The following AFF2 variants were observed in gnomAD, a reference collection of about 807,000 sequenced individuals.
AFF2 encodes ALF transcription elongation factor 2.
A neutral mutation model predicts 76.9 loss-of-function variants in AFF2; 14 were observed. The observed-to-expected ratio is 0.18, with a 90% confidence interval of 0.12 to 0.28. The LOEUF (loss-of-function observed/expected upper bound fraction) is 0.28. Among genes scored for constraint, AFF2 ranks in the 10% least tolerant of loss-of-function variants. The pLI is 1.00. For missense variants in AFF2, 868 were observed against 1,001.1 expected (o/e 0.87, Z 1.79); for synonymous variants, 398 against 366.7 (o/e 1.09, Z -0.98).
intron 7 of AFF2, among the ~76,000 whole-genome samples, chrX:148,871,296 GCCTGGATACCTAACCCCT>G (rs1460818940): frequency 1.8e-5 from 2 of 110,954 alleles, no homozygotes; most frequent in Non-Finnish European, 3.8e-5. Flanking sequence ...CCTGATAGGA[GCCTGGATACCTAACCCCT>G]CGTGTCATGG....
intron 1 of AFF2, among the ~76,000 whole-genome samples, chrX:148,603,095 A>T (rs1391974079): frequency 8.9e-6 from 1 of 111,945 alleles, no homozygotes; most frequent in Non-Finnish European, 1.9e-5. Context: ...GGCTGTCTTG[A>T]AAGATTTACC....
In AFF2 at chrX:148,762,197, C is replaced by A. The variant is rs782628483; in HGVS notation, c.1042-47679C>A. Among the ~76,000 whole-genome samples the A allele has an allele frequency of 1.0e-4, 11 of 109,547 alleles. No homozygotes were observed. In the East Asian group the frequency reaches 2.9e-3, roughly 28 times the overall value. On this transcript the variant is annotated intron_variant, in intron 3 of 20. Transcript: ENST00000370460. ...TGTGTAGTCTTTTATCCCTCACCCT[C>A]TCCTACCCTTTCCCCTGAGTCCCCA...
At chrX:148,776,882 G>A (rs2069674459) in intron 3 of AFF2, among the ~76,000 whole-genome samples, 1 of 111,774 alleles carries the variant, frequency 8.9e-6, no homozygotes, top group Non-Finnish European at 1.9e-5. Flanking sequence ...TGTCAATTTT[G>A]GCTTCTGTTG....
chrX:148,810,307 G>C (rs2070187457), intron 4 of AFF2, among the ~76,000 whole-genome samples: 1 of 111,749 alleles, frequency 8.9e-6, no homozygotes, highest in South Asian at 3.8e-4. Flanking sequence ...GATTGATTGT[G>C]GCCTATAATA....
At chrX:148,542,022 T>C (rs1239457532) in intron 1 of AFF2, among the ~76,000 whole-genome samples, 2 of 108,966 alleles carry the variant, frequency 1.8e-5, no homozygotes, top group Non-Finnish European at 3.8e-5. Flanking sequence ...ATGTATAGTC[T>C]CTGCTGGAAA....
At chrX:148,843,471 A>G in intron 7 of AFF2, 38 bp downstream of exon 7, 2 of 1,134,169 alleles carry the variant, frequency 1.8e-6, no homozygotes, top group South Asian at 3.7e-5. Context: ...CTTTTTGGGG[A>G]TATTTGGCAA....
At chrX:148,947,599 C>T (rs1275393805) in intron 9 of AFF2, among the ~76,000 whole-genome samples, 1 of 111,839 alleles carries the variant, frequency 8.9e-6, no homozygotes, top group Non-Finnish European at 1.9e-5. Context: ...ACTGCTGACA[C>T]AGACAAAATG....
At chrX:148,524,141 G>C (rs1024672403) in intron 1 of AFF2, among the ~76,000 whole-genome samples, 34 of 107,983 alleles carry the variant, frequency 3.1e-4, no homozygotes, top group Middle Eastern at 9.3e-3. Context: ...GTGTGTGTGT[G>C]TGTGTGTGTG....
intron 3 of AFF2, among the ~76,000 whole-genome samples, chrX:148,668,101 G>A (rs1157910549): frequency 8.9e-6 from 1 of 112,869 alleles, no homozygotes; most frequent in East Asian, 2.8e-4. Context: ...GGGGCTACAG[G>A]CCCCATGCAA....
chrX:148,604,655 G>A (rs1365290280), intron 1 of AFF2, among the ~76,000 whole-genome samples: 1 of 112,409 alleles, frequency 8.9e-6, no homozygotes, highest in Non-Finnish European at 1.9e-5. Flanking sequence ...TTAAAGCAAA[G>A]ATTAGAGAGA....
At chrX:148,883,581 C>T (rs188885883) in intron 7 of AFF2, among the ~76,000 whole-genome samples, 2 of 111,600 alleles carry the variant, frequency 1.8e-5, no homozygotes, top group African/African-American at 3.3e-5. Context: ...AGTATCTTGA[C>T]TCCATGCTAA....
intron 8 of AFF2, among the ~76,000 whole-genome samples, chrX:148,903,772 G>C (rs2071379542): frequency 9.0e-6 from 1 of 111,652 alleles, no homozygotes; most frequent in Non-Finnish European, 1.9e-5. Context: ...GTCAGTAGTA[G>C]TGCTAGGGTG....
intron 1 of AFF2, among the ~76,000 whole-genome samples, chrX:148,581,180 TAC>T (rs1386552495): frequency 4.0e-5 from 4 of 100,529 alleles, no homozygotes; most frequent in African/African-American, 1.1e-4. Context: ...CATATACGTA[TAC>T]ACACATATAC....
chrX:148,604,749 G>T (rs2053657907), intron 1 of AFF2, among the ~76,000 whole-genome samples: 1 of 111,430 alleles, frequency 9.0e-6, no homozygotes. Context: ...ATTAGAAAAA[G>T]AATAACAAAG....
intron 3 of AFF2, among the ~76,000 whole-genome samples, chrX:148,701,012 ATGTGTGTGTGTGTG>A (rs10675200): frequency 1.4e-5 from 1 of 73,742 alleles, no homozygotes; most frequent in African/African-American, 5.8e-5. Context: ...GAGAGAGAGA[ATGTGTGTGTGTGTG>A]TGTGTGTGTG....
chrX:148,843,499 G>A (rs2070627928), intron 7 of AFF2, 66 bp downstream of exon 7: 5 of 916,078 alleles, frequency 5.5e-6, no homozygotes, highest in Non-Finnish European at 7.9e-6. Context: ...GTGCCTCAAT[G>A]CTGATCTAAT....
intron 1 of AFF2, among the ~76,000 whole-genome samples, chrX:148,599,660 C>T (rs939376392): frequency 6.3e-5 from 7 of 111,183 alleles, no homozygotes; most frequent in Admixed American, 4.8e-4. Flanking sequence ...TTATGTATTA[C>T]GAAGAGGAAA....
At chrX:148,816,089 A>G (rs782131874) in intron 4 of AFF2, among the ~76,000 whole-genome samples, 1 of 112,070 alleles carries the variant, frequency 8.9e-6, no homozygotes, top group South Asian at 3.7e-4. Context: ...AGCTTATCTG[A>G]AAGAAGTAAC....
At chrX:148,915,094 A>G (rs2071512690) in intron 9 of AFF2, among the ~76,000 whole-genome samples, 1 of 112,513 alleles carries the variant, frequency 8.9e-6, no homozygotes, top group South Asian at 3.7e-4. Context: ...CCAGGGCCTC[A>G]AATAGGAAAC....
Sources: gnomAD v4.1 joint callset for allele counts (sites outside exome capture counted in the v4.1 genomes callset) on GRCh38, gnomAD v4.1.1 for gene constraint, MANE v1.5 for transcripts, NCBI Gene and HGNC (gene_info 2026-07-23, HGNC 2026-07-21) for gene names.